OLFM2: variants seen among roughly 807,000 people sequenced by gnomAD.
OLFM2 encodes the protein noelin-2.
Under a neutral mutation model 43.9 loss-of-function variants are expected in OLFM2, and 20 were observed. The observed-to-expected ratio is 0.46, with a 90% CI of 0.32 to 0.66. The LOEUF is 0.66. OLFM2 is among the 30% of genes least tolerant of loss of function. OLFM2 has a pLI of 0.04. For missense variants in OLFM2, 416 were observed against 643.6 expected (o/e 0.65, Z 3.83); for synonymous variants, 268 against 278.6 (o/e 0.96, Z 0.38).
intron 1 of OLFM2, among the ~76,000 whole-genome samples, chr19:9,900,967 GAA>G (rs1215375455): frequency 2.3e-4 from 10 of 43,074 alleles, no homozygotes; most frequent in African/African-American, 1.9e-3. Context: ...AGGAAGGAAG[GAA>G]GGAAGGAAGG....
At chr19:9,902,862 G>C (rs189931279) in intron 1 of OLFM2, among the ~76,000 whole-genome samples, 1 of 149,844 alleles carries the variant, frequency 6.7e-6, no homozygotes, top group South Asian at 2.1e-4. Flanking sequence ...TTTTGCTGTA[G>C]AGACAGGATC....
chr19:9,906,538 C>T (rs1316010519), intron 1 of OLFM2, among the ~76,000 whole-genome samples: 24 of 151,962 alleles, frequency 1.6e-4, no homozygotes, highest in Admixed American at 1.4e-3. Context: ...GAGGGACAAG[C>T]GGGAAGGCTC....
chr19:9,924,103 C>CAAA (rs1047796253), intron 1 of OLFM2, among the ~76,000 whole-genome samples: 272 of 19,816 alleles, frequency 0.014, 4 homozygotes, highest in Middle Eastern at 0.029. Context: ...CTCGTCTCTA[C>CAAA]AAAAAAAAAA....
chr19:9,863,815 C>T (rs1303180407), intron 1 of OLFM2, among the ~76,000 whole-genome samples: 1 of 152,142 alleles, frequency 6.6e-6, no homozygotes, highest in African/African-American at 2.4e-5. Context: ...AGCTTGACTC[C>T]CCCACTAATC....
chr19:9,876,531 C>T (rs1182609757), intron 1 of OLFM2, among the ~76,000 whole-genome samples: 2 of 152,164 alleles, frequency 1.3e-5, no homozygotes, highest in Non-Finnish European at 1.5e-5. Flanking sequence ...TGCGCCCCTG[C>T]GGGTGGCAAG....
chr19:9,861,564 TG>T (rs2046365574), intron 1 of OLFM2, among the ~76,000 whole-genome samples: 1 of 152,196 alleles, frequency 6.6e-6, no homozygotes, highest in Non-Finnish European at 1.5e-5. Context: ...GATAATCCAG[TG>T]ACCAATTATG....
At position 9,857,635 on chromosome 19, in the gene OLFM2, C is replaced by G. The variant is rs185557084; in HGVS notation, c.360+80G>C. On this transcript the variant is annotated intron_variant, in intron 3 of 5. Transcript: ENST00000264833. The surrounding 1 kb of genome is among the most constrained non-coding windows in gnomAD (Gnocchi z 5.7). ...TATTGGACCCTAGATTCTTCCCAGACATGACTCCATTGTAGGAACTAATGG... is the reference window on the plus strand; with the variant it reads ...TATTGGACCCTAGATTCTTCCCAGAGATGACTCCATTGTAGGAACTAATGG... 6.2e-7 allele frequency: 1 copy of G among 1,600,084 alleles called. No homozygotes were observed. The highest frequency in any genetic ancestry group is 8.6e-7 in the Non-Finnish European group (1 of 1,168,226).
chr19:9,912,571 G>C (rs2046835939), intron 1 of OLFM2, among the ~76,000 whole-genome samples: 1 of 152,124 alleles, frequency 6.6e-6, no homozygotes, highest in East Asian at 1.9e-4. Flanking sequence ...GAGGCCCAGG[G>C]AAGTTTGCAG....
chr19:9,892,649 C>T (rs916810696), intron 1 of OLFM2, among the ~76,000 whole-genome samples: 6 of 152,038 alleles, frequency 3.9e-5, no homozygotes, highest in African/African-American at 7.2e-5. Flanking sequence ...AGGCAGATGA[C>T]GCCACTGCAC....
chr19:9,916,744 T>C (rs2046878798), intron 1 of OLFM2, among the ~76,000 whole-genome samples: 1 of 152,150 alleles, frequency 6.6e-6, no homozygotes. Context: ...AGTTTGCACT[T>C]GCTTGCATTT....
rs7246466 is a variant in OLFM2 at position 9,868,805 on chromosome 19, A to T, written c.64-8011T>A. ...AAAATTTAAAAATTAGCATGGTGGCACATGCCTGCAGTGCCAGCTACTCAG... is the reference window on the plus strand; with the variant it reads ...AAAATTTAAAAATTAGCATGGTGGCTCATGCCTGCAGTGCCAGCTACTCAG... On this transcript the variant is annotated intron_variant, in intron 1 of 5. Coordinates refer to ENST00000264833, the MANE Select transcript of OLFM2 (RefSeq NM_058164.4). Among the ~76,000 whole-genome samples, 1,363 of 151,968 alleles carry T rather than the reference A, an allele frequency of 9.0e-3. 13 individuals carry two copies. The highest frequency in any genetic ancestry group is 0.031 in the African/African-American group (1,267 of 41,424).
At chr19:9,867,248 G>C (rs992652108) in intron 1 of OLFM2, among the ~76,000 whole-genome samples, 1 of 152,158 alleles carries the variant, frequency 6.6e-6, no homozygotes, top group Non-Finnish European at 1.5e-5. Context: ...GCAGGCACCT[G>C]TAAGCCCAGC....
At chr19:9,925,549 AG>A (rs1221567928) in intron 1 of OLFM2, among the ~76,000 whole-genome samples, 1 of 151,804 alleles carries the variant, frequency 6.6e-6, no homozygotes, top group Non-Finnish European at 1.5e-5. Context: ...CCTGGGCTCA[AG>A]TAATCCTCCC....
At position 9,893,376 on chromosome 19, in the gene OLFM2, G is replaced by A. The variant is rs1054304408; in HGVS notation, c.64-32582C>T. On this transcript the variant is annotated intron_variant, in intron 1 of 5. Transcript: ENST00000264833. ...GACTGGGTTTCACCATGTTAGCCAG[G>A]GTGGTCTCGAACTCCCAACCTCAGG... is the stretch of plus-strand genomic sequence containing the variant. Among the ~76,000 whole-genome samples the A allele has an allele frequency of 2.0e-5, 3 of 151,928 alleles. No homozygotes were observed. The East Asian group carries it at 5.8e-4, about 29-fold the overall frequency.
chr19:9,925,723 C>T (rs900970602), intron 1 of OLFM2, among the ~76,000 whole-genome samples: 5 of 151,728 alleles, frequency 3.3e-5, no homozygotes, highest in Non-Finnish European at 5.9e-5. Context: ...TGTGAGCCAC[C>T]GCGCCTGGCC....
chr19:9,904,950 T>C (rs1043107496), intron 1 of OLFM2, among the ~76,000 whole-genome samples: 5 of 151,684 alleles, frequency 3.3e-5, no homozygotes, highest in Admixed American at 3.3e-4. Context: ...ACACAGGACG[T>C]CGAGGCTGCA....
chr19:9,870,219 A>G (rs2046431921), intron 1 of OLFM2, among the ~76,000 whole-genome samples: 3 of 152,082 alleles, frequency 2.0e-5, no homozygotes, highest in Non-Finnish European at 4.4e-5. Context: ...CTGAGTCATC[A>G]CACGCTGCCC....
intron 1 of OLFM2, among the ~76,000 whole-genome samples, chr19:9,877,244 A>T (rs1288370882): frequency 6.8e-6 from 1 of 146,854 alleles, no homozygotes; most frequent in Non-Finnish European, 1.5e-5. Context: ...AAAAAAAAAA[A>T]AAAATATGGC....
intron 1 of OLFM2, among the ~76,000 whole-genome samples, chr19:9,909,457 G>A (rs980921604): frequency 8.5e-5 from 13 of 152,048 alleles, no homozygotes; most frequent in African/African-American, 1.4e-4. Flanking sequence ...AGGTAGTAGC[G>A]GCAGCTTCCT....
Sources: allele counts gnomAD v4.1 joint callset (sites outside exome capture counted in the v4.1 genomes callset), GRCh38; gene constraint gnomAD v4.1.1; non-coding constraint Gnocchi (gnomAD v3.1); transcripts MANE v1.5; gene names NCBI Gene and HGNC (gene_info 2026-07-23, HGNC 2026-07-21).